The following NAA11 variants were observed in gnomAD, a reference collection of about 807,000 sequenced individuals.
NAA11 encodes N-alpha-acetyltransferase 11, NatA catalytic subunit, also known as N-alpha-acetyltransferase 11.
NAA11 carries 15 observed loss-of-function variants against 16.1 expected under a neutral mutation model. The ratio of observed to expected loss-of-function variants is 0.93; its 90% CI spans 0.62 to 1.44. NAA11 has a LOEUF of 1.44. Among genes scored for constraint, NAA11 ranks in the 40% most tolerant of loss-of-function variants. NAA11 has a pLI of 0.00. For missense variants in NAA11, 298 were observed against 291.3 expected, an observed-to-expected ratio of 1.02 and a Z score of -0.17; for synonymous variants, 122 against 112.4, an observed-to-expected ratio of 1.09 and a Z score of -0.54.
chr4:79,199,641 A>G, the NAA11 span, among the ~76,000 whole-genome samples: 2 of 151,870 alleles, frequency 1.3e-5, no homozygotes, highest in East Asian at 1.9e-4. Context: ...CTTGTTTGCA[A>G]TTACAGACCC....
chr4:79,202,791 G>A, the NAA11 span, among the ~76,000 whole-genome samples: 1 of 150,170 alleles, frequency 6.7e-6, no homozygotes, highest in South Asian at 2.1e-4. Context: ...GAAAGCTAAA[G>A]TTAATTTCTA....
chr4:79,247,534 G>C (rs1345886903), intron 2 of NAA11, among the ~76,000 whole-genome samples: 1 of 152,084 alleles, frequency 6.6e-6, no homozygotes, highest in Non-Finnish European at 1.5e-5. Context: ...AATAAGAAGA[G>C]ACCTTAGGCT....
At chr4:79,248,063 G>A (rs929871402) in intron 2 of NAA11, among the ~76,000 whole-genome samples, 64 of 152,162 alleles carry the variant, frequency 4.2e-4, no homozygotes, top group Admixed American at 2.0e-4. Context: ...TCTTGCCTAT[G>A]AGATGAGGCC....
intron 2 of NAA11, among the ~76,000 whole-genome samples, chr4:79,278,744 C>T (rs911498801): frequency 4.6e-5 from 7 of 152,056 alleles, no homozygotes; most frequent in African/African-American, 1.2e-4. Flanking sequence ...AATACTTGAA[C>T]GCTACTATAA....
intron 2 of NAA11, among the ~76,000 whole-genome samples, chr4:79,281,801 G>A (rs1722797029): frequency 1.3e-5 from 2 of 152,040 alleles, no homozygotes; most frequent in Admixed American, 1.3e-4. Context: ...TTCTGTTTCT[G>A]ATTAAGCCAG....
Position 79,325,658 on chromosome 4 carries a change from A to AG in NAA11, c.219dup (p.Ser74LeufsTer30). The AG allele has an allele frequency of 6.2e-7, 1 of 1,614,042 alleles. No individual in the cohort carries two copies. ...CGGTGTGAACGCTTCACGGCCAGTG[A>AG]GGTGATATGGCCATGCGGGACATCA... On this transcript the variant is annotated frameshift_variant, in exon 1 of 2. Transcript: ENST00000286794. LOFTEE classifies it high-confidence loss of function.
chr4:79,222,264 CT>C (rs1721205647), downstream of NAA11, among the ~76,000 whole-genome samples: 2 of 152,090 alleles, frequency 1.3e-5, no homozygotes, highest in African/African-American at 4.8e-5. Flanking sequence ...ATTCTTCTCT[CT>C]TTTTTTCTTT....
intron 1 of NAA11, among the ~76,000 whole-genome samples, chr4:79,309,714 C>CTTTTTTTTTTTTTTTTTTT (rs71662804): frequency 2.5e-5 from 2 of 81,422 alleles, no homozygotes; most frequent in Non-Finnish European, 4.4e-5. Context: ...TTTTTTTTTT[C>CTTTTTTTTTTTTTTTTTTT]TTTTTTTTTT....
chr4:79,217,522 C>T, the NAA11 span, among the ~76,000 whole-genome samples: 4 of 152,124 alleles, frequency 2.6e-5, no homozygotes, highest in Admixed American at 6.6e-5. Flanking sequence ...TAGATGCAAT[C>T]TTTAATCTTG....
At chr4:79,189,598 C>T in the NAA11 span, among the ~76,000 whole-genome samples, 5 of 152,106 alleles carry the variant, frequency 3.3e-5, no homozygotes, top group Non-Finnish European at 7.4e-5. Flanking sequence ...GTTCTGTCTG[C>T]CAGAGTCCCC....
At chr4:79,319,508 T>A (rs1219180951) in intron 1 of NAA11, among the ~76,000 whole-genome samples, 1 of 152,206 alleles carries the variant, frequency 6.6e-6, no homozygotes, top group Non-Finnish European at 1.5e-5. Context: ...TAACCTCCTG[T>A]ACCATAAAGC....
chr4:79,182,226 T>C, the NAA11 span, among the ~76,000 whole-genome samples: 1 of 152,146 alleles, frequency 6.6e-6, no homozygotes, highest in Non-Finnish European at 1.5e-5. Flanking sequence ...CATAGCACAA[T>C]CAGAATAATA....
chr4:79,178,496 G>T, the NAA11 span, among the ~76,000 whole-genome samples: 1 of 152,166 alleles, frequency 6.6e-6, no homozygotes, highest in East Asian at 1.9e-4. Flanking sequence ...TATATATTAG[G>T]AAGAATAATC....
intron 1 of NAA11, among the ~76,000 whole-genome samples, chr4:79,302,087 A>G (rs1723402347): frequency 6.6e-6 from 1 of 152,204 alleles, no homozygotes; most frequent in Non-Finnish European, 1.5e-5. Flanking sequence ...CATATGGAAT[A>G]TTTTGAGAGT....
chr4:79,203,913 A>G, the NAA11 span, among the ~76,000 whole-genome samples: 663 of 151,936 alleles, frequency 4.4e-3, 3 homozygotes, highest in Non-Finnish European at 7.7e-3. Context: ...TAAAAAAATT[A>G]GAAAACTCTG....
At position 79,325,762 on chromosome 4, in the gene NAA11, G is replaced by C. The variant is rs1475502851; in HGVS notation, c.116C>G (p.Pro39Arg). 6.2e-7 allele frequency: 1 copy of C among 1,614,036 alleles called. No individual in the cohort carries two copies. The highest frequency in any genetic ancestry group is 8.5e-7 in the Non-Finnish European group (1 of 1,180,022). ...ATCCTCAGCGATGTAAGAAAGCTGG[G>C]GCCAGGAAAGGCCATGATATAAATA... Reference protein sequence around the residue: ...KYYLYHGLSWPQLSYIAEDED... With the variant: ...KYYLYHGLSWRQLSYIAEDED... The change falls in exon 1 of 2, where the codon CCC (proline) becomes CGC (arginine). Residue 39 changes from proline (P) to arginine (R), a missense_variant. By Grantham distance (103) the Pro-to-Arg change is moderately radical. Coordinates refer to ENST00000286794, the MANE Select transcript of NAA11 (RefSeq NM_032693.3).
At chr4:79,187,988 G>C in the NAA11 span, among the ~76,000 whole-genome samples, 1 of 108,252 alleles carries the variant, frequency 9.2e-6, no homozygotes, top group Non-Finnish European at 1.7e-5. Flanking sequence ...GACAGAGTGA[G>C]ACTCCGTCTC....
downstream of NAA11, among the ~76,000 whole-genome samples, chr4:79,221,906 G>A (rs1381911675): frequency 4.6e-5 from 6 of 130,326 alleles, no homozygotes; most frequent in Non-Finnish European, 6.7e-5. Context: ...AGTTAGGGAG[G>A]ATTCCCTCTT....
downstream of NAA11, among the ~76,000 whole-genome samples, chr4:79,314,641 T>TAAAAAAAAAAAAAA (rs375245497): frequency 4.0e-4 from 39 of 98,046 alleles, 1 homozygote; most frequent in African/African-American, 1.4e-3. Flanking sequence ...TCCTTAAAAT[T>TAAAAAAAAAAAAAA]AAAAAAAAAA....
Sources: allele counts gnomAD v4.1 joint callset (sites outside exome capture counted in the v4.1 genomes callset), GRCh38; gene constraint gnomAD v4.1.1; transcripts MANE v1.5; gene names NCBI Gene and HGNC (gene_info 2026-07-23, HGNC 2026-07-21).